Variants in COL27A1 observed in about 807,000 individuals in gnomAD.
COL27A1 encodes the protein collagen type XXVII alpha 1 chain, also known as collagen alpha-1(XXVII) chain.
In COL27A1, 106 loss-of-function variants were observed where a neutral mutation model predicts 251.3. The ratio of observed to expected loss-of-function variants is 0.42; its 90% CI spans 0.36 to 0.50. The LOEUF (loss-of-function observed/expected upper bound fraction) is 0.50. Ranked by LOEUF, COL27A1 falls within the 20% of genes least tolerant of loss-of-function variation. COL27A1 has a pLI of 0.00. For synonymous variants in COL27A1, 1,000 were observed against 986.3 expected (o/e 1.01, Z -0.26); for missense variants, 2,325 against 2,522.8 (o/e 0.92, Z 1.68).
Position 114,290,125 on chromosome 9 carries a change from G to C in COL27A1, c.4260+14G>C, listed in dbSNP as rs1194181336. The C allele has an allele frequency of 6.2e-7, 1 of 1,611,484 alleles. No homozygotes were observed. Among genetic ancestry groups the C allele is most frequent in the Non-Finnish European group, 8.5e-7 (1 of 1,179,650 alleles). On this transcript the variant is annotated intron_variant, in intron 46 of 60. Coordinates refer to ENST00000356083, the MANE Select transcript of COL27A1 (RefSeq NM_032888.4). The surrounding 1 kb of genome is among the most constrained non-coding windows in gnomAD (Gnocchi z 4.6). ...AGGGGGGTCCAGGTGAGTGACTACA[G>C]CTGCTGTTTCCAGCCAACCTCCCTG...
Position 114,222,026 on chromosome 9 carries a change from A to T in COL27A1, c.2422-197A>T, listed in dbSNP as rs58707713. Among the ~76,000 whole-genome samples, 358 of 152,350 alleles carry T rather than the reference A, an allele frequency of 2.3e-3. 1 individual carries two copies. Among genetic ancestry groups the T allele is most frequent in the African/African-American group, 8.3e-3 (345 of 41,592 alleles). ...ACCTCCCCATTTGACAGATGTGGAAAGCTGATGGCAGAGAGGGGATGGCTG... is the reference window on the plus strand; with the variant it reads ...ACCTCCCCATTTGACAGATGTGGAATGCTGATGGCAGAGAGGGGATGGCTG... On this transcript the variant is annotated intron_variant, in intron 13 of 60. Coordinates refer to ENST00000356083, the MANE Select transcript of COL27A1 (RefSeq NM_032888.4).
At chr9:114,160,844 T>C (rs991617996) in intron 1 of COL27A1, among the ~76,000 whole-genome samples, 8 of 152,186 alleles carry the variant, frequency 5.3e-5, no homozygotes, top group African/African-American at 1.9e-4. Context: ...TGGGATCTAA[T>C]GGATGTGTAG....
At chr9:114,166,836 G>A (rs1330817220) in intron 2 of COL27A1, among the ~76,000 whole-genome samples, 2 of 152,222 alleles carry the variant, frequency 1.3e-5, no homozygotes, top group Non-Finnish European at 2.9e-5. Flanking sequence ...GATGTGACCT[G>A]GCCAGACCAC....
chr9:114,171,775 T>C (rs1426583694), intron 3 of COL27A1, among the ~76,000 whole-genome samples: 1 of 152,168 alleles, frequency 6.6e-6, no homozygotes, highest in Non-Finnish European at 1.5e-5. Context: ...CTAAAGAAGC[T>C]TCCGATTCGA....
intron 15 of COL27A1, 40 bp downstream of exon 15, chr9:114,231,172 G>A (rs1831921086): frequency 1.3e-6 from 2 of 1,595,518 alleles, no homozygotes; most frequent in Non-Finnish European, 8.6e-7. Flanking sequence ...CCTTGTCCAA[G>A]CTGGGCACCC....
rs187658701 is a variant in COL27A1, at chr9:114,301,512, C to T, written c.4809+50C>T. The T allele has an allele frequency of 5.2e-4, 819 of 1,583,520 alleles. 7 individuals are homozygous for T. The African/African-American group carries it at 9.5e-3, about 18-fold the overall frequency. ...GTGGGGCGGGGCGTGGGGCGGGCAC[C>T]CTGCATTCTCCTCCCGGTGGTACAT... is the stretch of plus-strand genomic sequence containing the variant. On this transcript the variant is annotated intron_variant, in intron 54 of 60. Coordinates refer to ENST00000356083, the MANE Select transcript of COL27A1 (RefSeq NM_032888.4).
chr9:114,264,862 C>CT, intron 29 of COL27A1, 62 bp from the exon 30 acceptor site: 1 of 1,549,942 alleles, frequency 6.5e-7, no homozygotes, highest in Non-Finnish European at 8.8e-7. Context: ...GGAGGGGTCC[C>CT]TTTTTGGGGA....
intron 5 of COL27A1, among the ~76,000 whole-genome samples, chr9:114,183,522 G>T (rs1183693033): frequency 1.3e-5 from 2 of 152,268 alleles, no homozygotes; most frequent in African/African-American, 2.4e-5. Flanking sequence ...GGGGTGATAT[G>T]GGGGAGAAAG....
chr9:114,157,841 C>T (rs7038752), intron 1 of COL27A1, among the ~76,000 whole-genome samples: 2 of 151,720 alleles, frequency 1.3e-5, no homozygotes, highest in African/African-American at 2.4e-5. Context: ...TCCACAAAAC[C>T]GGCACCTTAT....
intron 4 of COL27A1, among the ~76,000 whole-genome samples, chr9:114,182,177 A>AAAT (rs71367755): frequency 7.2e-6 from 1 of 138,120 alleles, no homozygotes; most frequent in Non-Finnish European, 1.5e-5. Flanking sequence ...CATCTCTATA[A>AAAT]AATAATAATA....
intron 13 of COL27A1, among the ~76,000 whole-genome samples, 167 bp downstream of exon 13, chr9:114,220,011 C>A (rs528652725): frequency 6.6e-6 from 1 of 152,272 alleles, no homozygotes; most frequent in East Asian, 1.9e-4. Flanking sequence ...AAACGCTAGG[C>A]TCCTGTCTAC....
At position 114,169,470 on chromosome 9, in the gene COL27A1, C is replaced by G. The variant is rs754044631; in HGVS notation, c.1908+7C>G. 1.3e-6 allele frequency: 2 copies of G among 1,519,920 alleles called. No homozygotes were observed. Among genetic ancestry groups the G allele is most frequent in the African/African-American group, 2.8e-5 (2 of 72,028 alleles). The allele number at this position is 1,519,920 out of a possible 1,614,324, so 94.2% of individuals were successfully genotyped here. ...GGGAGACTGTGGCTTGCCGGTAAGA[C>G]TGAGTGGGGTCTGCATGCTGCTTGG... On this transcript the variant is annotated splice_region_variant and intron_variant, in intron 3 of 60. Coordinates refer to ENST00000356083, the MANE Select transcript of COL27A1 (RefSeq NM_032888.4).
At chr9:114,175,599 A>G (rs1339620216) in intron 3 of COL27A1, among the ~76,000 whole-genome samples, 2 of 152,214 alleles carry the variant, frequency 1.3e-5, no homozygotes, top group African/African-American at 4.8e-5. Context: ...GTGGGCTGAC[A>G]TCACCAGGCT....
At chr9:114,167,621 G>A in intron 2 of COL27A1, 68 bp from the exon 3 acceptor site, 6 of 1,371,798 alleles carry the variant, frequency 4.4e-6, no homozygotes, top group Non-Finnish European at 6.0e-6. Context: ...TGCCCCTTAG[G>A]GGGTAGGGGG....
At chr9:114,183,797 G>A (rs536927468) in intron 5 of COL27A1, among the ~76,000 whole-genome samples, 6 of 152,226 alleles carry the variant, frequency 3.9e-5, no homozygotes, top group African/African-American at 9.6e-5. Flanking sequence ...GGAGGCTGGC[G>A]CAGAGATGCC....
chr9:114,249,864 G>A (rs1041911534), intron 24 of COL27A1, among the ~76,000 whole-genome samples: 2 of 152,188 alleles, frequency 1.3e-5, no homozygotes, highest in Non-Finnish European at 1.5e-5. Context: ...AGGCCCTCCC[G>A]GCTCAGTTTG....
intron 45 of COL27A1, among the ~76,000 whole-genome samples, chr9:114,289,744 G>A (rs935021200): frequency 1.3e-5 from 2 of 152,002 alleles, no homozygotes; most frequent in African/African-American, 4.8e-5. Context: ...TCCCCCGGGT[G>A]CGCCCCCCTC....
intron 25 of COL27A1, among the ~76,000 whole-genome samples, chr9:114,251,176 C>A (rs1397058270): frequency 6.6e-6 from 1 of 152,168 alleles, no homozygotes; most frequent in Non-Finnish European, 1.5e-5. Context: ...CTCATGTTGG[C>A]TCCCAGCTCC....
chr9:114,205,652 C>A, intron 8 of COL27A1, 107 bp from the exon 9 acceptor site: 2 of 1,026,936 alleles, frequency 1.9e-6, no homozygotes, highest in Non-Finnish European at 3.1e-6. Context: ...ATCTCACATT[C>A]CTGCCCCTCT....
Sources: allele counts gnomAD v4.1 joint callset (sites outside exome capture counted in the v4.1 genomes callset), GRCh38; gene constraint gnomAD v4.1.1; non-coding constraint Gnocchi (gnomAD v3.1); transcripts MANE v1.5; gene names NCBI Gene and HGNC (gene_info 2026-07-23, HGNC 2026-07-21).